The following EHD2 variants were observed in gnomAD, a reference collection of about 807,000 sequenced individuals.
The protein encoded by EHD2 is EH domain-containing protein 2.
In EHD2, 27 loss-of-function variants were observed where a neutral mutation model predicts 41.0. The ratio of observed to expected loss-of-function variants is 0.66; its 90% CI spans 0.49 to 0.91. EHD2 has a LOEUF of 0.91. EHD2 is among the 40% of genes least tolerant of loss of function. The pLI is 0.00. For missense variants in EHD2, 673 were observed against 773.9 expected (o/e 0.87, Z 1.55); for synonymous variants, 342 against 341.0 (o/e 1.00, Z -0.03).
chr19:47,716,734 G>T lies in EHD2; in HGVS notation c.122G>T (p.Arg41Leu). ...TKLLPLEEHY[R>L]FGAFHSPALE... ...CTGCTGCCGCTGGAGGAGCACTACC[G>T]CTTTGGGGCCTTCCACTCGCCGGCC... The change falls in exon 2 of 6, where the codon CGC becomes CTC. Residue 41 changes from arginine (R) to leucine (L), a missense_variant. Arg to Leu is a moderately radical substitution (Grantham distance 102). Coordinates refer to ENST00000263277, the MANE Select transcript of EHD2 (RefSeq NM_014601.4). The T allele has an allele frequency of 6.2e-7, 1 of 1,613,364 alleles. No homozygotes were observed. The highest frequency in any genetic ancestry group is 8.5e-7 in the Non-Finnish European group (1 of 1,179,764).
rs1973747881 is a variant in EHD2 at position 47,726,026 on chromosome 19, G to A, written c.717G>A (p.Ala239=). Residue 239 remains alanine, a synonymous_variant, in exon 4 of 6, where the codon GCG becomes GCA. Coordinates refer to ENST00000263277, the MANE Select transcript of EHD2 (RefSeq NM_014601.4). ...GCGTCTACGGCGCGCTCATGTGGGC[G>A]CTGGGCAAGGTGGTGGGCACGCCCG... ...LMRVYGALMW[A]LGKVVGTPEV... 6.3e-7 allele frequency: 1 copy of A among 1,598,298 alleles called. No individual in the cohort carries two copies. Among genetic ancestry groups the A allele is most frequent in the South Asian group, 1.1e-5 (1 of 89,700 alleles).
At chr19:47,716,476 T>G in intron 1 of EHD2, 82 bp from the exon 2 acceptor site, 1 of 938,798 alleles carries the variant, frequency 1.1e-6, no homozygotes, top group Non-Finnish European at 1.5e-6. Flanking sequence ...ACCCATCCTG[T>G]CACCCAGACA....
rs1335320943 is a variant in EHD2 at position 47,741,937 on chromosome 19, G to C, written c.*505G>C. On this transcript the variant is annotated 3_prime_UTR_variant, in exon 6 of 6. Coordinates refer to ENST00000263277, the MANE Select transcript of EHD2 (RefSeq NM_014601.4). This position sits in a 1 kb window ranked among gnomAD's most constrained non-coding sequence, Gnocchi z 4.5. Reference sequence around the variant, plus strand: ...GGCTGAAATGACTAGCAGATAAACAGACCCCCTTCTGCTCCGCTTCCTCCT... The same window carrying C: ...GGCTGAAATGACTAGCAGATAAACACACCCCCTTCTGCTCCGCTTCCTCCT... 2 of 456,238 alleles carry C rather than the reference G, an allele frequency of 4.4e-6. No individual in the cohort carries two copies. Among genetic ancestry groups the C allele is most frequent in the Admixed American group, 4.7e-5 (2 of 42,524 alleles). 28.3% of individuals were successfully genotyped at this position (456,238 alleles called of 1,614,324 possible). A position where few individuals can be genotyped will look rare whatever the true frequency, so the allele number is the denominator to read the frequency against.
intron 1 of EHD2, among the ~76,000 whole-genome samples, chr19:47,715,081 A>ATAAATAAAT (rs1555792890): frequency 1.3e-5 from 2 of 151,326 alleles, no homozygotes; most frequent in East Asian, 3.9e-4. Flanking sequence ...AAATAAATAA[A>ATAAATAAAT]AAGAAAGAAA....
At position 47,716,978 on chromosome 19, in the gene EHD2, C is replaced by T. The variant is rs1220427390; in HGVS notation, c.366C>T (p.Phe122=). 1 of 1,603,496 alleles carries T rather than the reference C, an allele frequency of 6.2e-7. No individual in the cohort carries two copies. Among genetic ancestry groups the T allele is most frequent in the African/African-American group, 1.3e-5 (1 of 74,938 alleles). Residue 122 remains phenylalanine, a synonymous_variant, in exon 2 of 6, where the codon TTC becomes TTT. Coordinates refer to ENST00000263277, the MANE Select transcript of EHD2 (RefSeq NM_014601.4). ...TCGTCGTGGACCCGGACAAGCCCTT[C>T]CGCAAACTCAACCCTTTCGGAAACA... is the stretch of plus-strand genomic sequence containing the variant. ...NALVVDPDKP[F]RKLNPFGNTF...
chr19:47,725,396 CAAAAAAAAA>C (rs10676405), intron 3 of EHD2, among the ~76,000 whole-genome samples: 1 of 74,288 alleles, frequency 1.3e-5, no homozygotes, highest in Non-Finnish European at 2.4e-5. Context: ...CATCTCTACT[CAAAAAAAAA>C]AAAAAAAAAA....
chr19:47,722,021 C>T (rs1193201008), intron 3 of EHD2, among the ~76,000 whole-genome samples: 1 of 126,368 alleles, frequency 7.9e-6, no homozygotes, highest in African/African-American at 3.4e-5. Context: ...CACACACACA[C>T]ACACACACAC....
intron 4 of EHD2, among the ~76,000 whole-genome samples, chr19:47,733,987 T>C (rs1568592657): frequency 6.6e-6 from 1 of 152,184 alleles, no homozygotes; most frequent in Non-Finnish European, 1.5e-5. Context: ...TAGAGAGTTA[T>C]GAGCAGCATC....
chr19:47,735,371 C>A (rs1364288131), intron 4 of EHD2, among the ~76,000 whole-genome samples: 4 of 152,112 alleles, frequency 2.6e-5, no homozygotes, highest in Admixed American at 2.6e-4. Flanking sequence ...CCAGGGTGAG[C>A]CCCAGCAGGA....
rs545877722 is a variant in EHD2 at position 47,742,070 on chromosome 19, C to T, written c.*638C>T. 1.5e-5 allele frequency: 6 copies of T among 388,230 alleles called. No individual in the cohort carries two copies. Among genetic ancestry groups the T allele is most frequent in the South Asian group, 5.6e-5 (3 of 53,122 alleles). The allele number at this position is 388,230 out of a possible 1,614,324, so 24.0% of individuals were successfully genotyped here. A position where few individuals can be genotyped will look rare whatever the true frequency, so the allele number is the denominator to read the frequency against. On this transcript the variant is annotated 3_prime_UTR_variant, in exon 6 of 6. Coordinates refer to ENST00000263277, the MANE Select transcript of EHD2 (RefSeq NM_014601.4). ...TACTGCTTCCTCAGATGGGCCCCTCCGCAGCCCCTTCCCTTGCTCGGGGAA... is the reference window on the plus strand; with the variant it reads ...TACTGCTTCCTCAGATGGGCCCCTCTGCAGCCCCTTCCCTTGCTCGGGGAA...
chr19:47,731,497 A>G (rs1973815621), intron 4 of EHD2: 1 of 150,346 alleles, frequency 6.7e-6, no homozygotes. Context: ...TTTAGTAGAG[A>G]TGGGTTCTCA....
intron 5 of EHD2, among the ~76,000 whole-genome samples, chr19:47,737,369 A>G (rs1322940626): frequency 6.6e-6 from 1 of 151,676 alleles, no homozygotes; most frequent in African/African-American, 2.4e-5. Flanking sequence ...TATTTAAAAT[A>G]TACACAGCTG....
chr19:47,734,966 T>C (rs773593464), intron 4 of EHD2, among the ~76,000 whole-genome samples: 17 of 152,048 alleles, frequency 1.1e-4, no homozygotes, highest in Non-Finnish European at 2.1e-4. Context: ...GGCAGGAGGA[T>C]TGCTTGAACC....
At chr19:47,727,436 G>C (rs1973764081) in intron 4 of EHD2, among the ~76,000 whole-genome samples, 1 of 152,134 alleles carries the variant, frequency 6.6e-6, no homozygotes, top group South Asian at 2.1e-4. Context: ...ACATGGTGCT[G>C]GGGCTGGGGA....
At chr19:47,737,112 TC>T (rs1305714089) in intron 5 of EHD2, among the ~76,000 whole-genome samples, 1 of 151,436 alleles carries the variant, frequency 6.6e-6, no homozygotes, top group Non-Finnish European at 1.5e-5. Context: ...GCGCCTGTAG[TC>T]CCAGCTACTC....
At chr19:47,713,917 A>C (rs925772749) in intron 1 of EHD2, among the ~76,000 whole-genome samples, 5 of 151,268 alleles carry the variant, frequency 3.3e-5, no homozygotes, top group Non-Finnish European at 7.4e-5. Flanking sequence ...CTGCCTCACC[A>C]GCTCCATCGG....
At chr19:47,718,680 G>T (rs1331229730) in intron 3 of EHD2, 74 bp downstream of exon 3, 3 of 1,356,974 alleles carry the variant, frequency 2.2e-6, no homozygotes, top group African/African-American at 3.2e-5. Context: ...AGGGAGGAGG[G>T]ACTGGGCCCG....
rs570491956 is a variant in EHD2, at chr19:47,717,107, G to T, written c.404+91G>T. 106 of 1,526,646 alleles carry T rather than the reference G, an allele frequency of 6.9e-5. No homozygotes were observed. In the African/African-American group the frequency reaches 1.4e-3, roughly 20 times the overall value. The allele number at this position is 1,526,646 out of a possible 1,614,324, so 94.6% of individuals were successfully genotyped here. On this transcript the variant is annotated intron_variant, in intron 2 of 5. Coordinates refer to ENST00000263277, the MANE Select transcript of EHD2 (RefSeq NM_014601.4). ...TTTTCGCCCAGGCTGGAGTGCAGTG[G>T]TGCGATCTCAGCTCATGGCAACCTC...
chr19:47,737,853 C>CACATGCCACCAT (rs1966941599), intron 5 of EHD2, among the ~76,000 whole-genome samples: 2 of 149,612 alleles, frequency 1.3e-5, no homozygotes, highest in Admixed American at 1.3e-4. Context: ...GGACTACAGG[C>CACATGCCACCAT]ACATGCCACC....
Sources: allele counts gnomAD v4.1 joint callset (sites outside exome capture counted in the v4.1 genomes callset), GRCh38; gene constraint gnomAD v4.1.1; non-coding constraint Gnocchi (gnomAD v3.1); transcripts MANE v1.5; gene names NCBI Gene and HGNC (gene_info 2026-07-23, HGNC 2026-07-21).